GRHL1: variants seen among roughly 807,000 people sequenced by gnomAD.
GRHL1 encodes grainyhead-like protein 1 homolog.
In GRHL1, 38 loss-of-function variants were observed where a neutral mutation model predicts 75.7. That is an observed-to-expected ratio of 0.50 (90% CI 0.39 to 0.66). The LOEUF (loss-of-function observed/expected upper bound fraction) is 0.66, where lower values mean the gene tolerates loss of function less well. Ranked by LOEUF, GRHL1 falls within the 30% of genes least tolerant of loss-of-function variation. GRHL1 has a pLI of 0.00. For missense variants in GRHL1, 589 were observed against 767.5 expected (o/e 0.77, Z 2.75); for synonymous variants, 266 against 279.4 (o/e 0.95, Z 0.48).
chr2:9,999,027 G>A lies in GRHL1; in HGVS notation c.1740G>A (p.Lys580=). The change falls in exon 15 of 16, where the codon AAG becomes AAA. Residue 580 remains lysine (K), a splice_region_variant and synonymous_variant. Transcript: ENST00000324907. ...KIGKIFKKCK[K]GILVNMDDNI... is the part of the protein sequence containing the mutation. ...GGAAAATATTCAAGAAGTGTAAAAA[G>A]GGGTAAGCAGCCACTGCGTCCTGTG... The A allele has an allele frequency of 2.6e-6, 4 of 1,550,776 alleles. No homozygotes were observed. The highest frequency in any genetic ancestry group is 3.5e-6 in the Non-Finnish European group (4 of 1,136,954).
In GRHL1 at chr2:9,951,785, C is replaced by T; in HGVS notation, c.-49C>T. 1 of 1,509,368 alleles carries T rather than the reference C, an allele frequency of 6.6e-7. No individual in the cohort carries two copies. The highest frequency in any genetic ancestry group is 8.9e-7 in the Non-Finnish European group (1 of 1,124,934). 93.5% of individuals were successfully genotyped at this position (1,509,368 alleles called of 1,614,324 possible). On this transcript the variant is annotated 5_prime_UTR_variant, in exon 1 of 16. Transcript: ENST00000324907. This position sits in a 1 kb window ranked among gnomAD's most constrained non-coding sequence, Gnocchi z 4.2. ...CCTCCCCCCGGATCGGGTGTACTGT[C>T]CCAACCCGAAAGTCCAGTTCTGCGG...
intron 8 of GRHL1, among the ~76,000 whole-genome samples, chr2:9,985,444 G>T (rs1410559410): frequency 2.0e-5 from 3 of 152,158 alleles, no homozygotes; most frequent in Non-Finnish European, 4.4e-5. Flanking sequence ...TTAAATAAAA[G>T]ACCCTTGCAC....
At chr2:9,959,447 C>T (rs974384616) in intron 3 of GRHL1, 1 of 152,188 alleles carries the variant, frequency 6.6e-6, no homozygotes, top group Non-Finnish European at 1.5e-5. Flanking sequence ...GTGATGATTG[C>T]TTTATTCATT....
At chr2:9,989,982 G>A (rs1668573740) in intron 9 of GRHL1, among the ~76,000 whole-genome samples, 1 of 152,074 alleles carries the variant, frequency 6.6e-6, no homozygotes, top group Non-Finnish European at 1.5e-5. Context: ...GATAACCTTG[G>A]CCATATAGGA....
rs761959247 is a variant in GRHL1 at position 9,986,031 on chromosome 2, CTT to C, written c.1111-92_1111-91del. ...AGCTGAGCTTCTCATTTAAAATAGA[CTT>C]GAGTAATTTCAGTGATGTTAATATT... is the stretch of plus-strand genomic sequence containing the variant. On this transcript the variant is annotated intron_variant, in intron 8 of 15. Coordinates refer to ENST00000324907, the MANE Select transcript of GRHL1 (RefSeq NM_198182.3). 9.9e-5 allele frequency: 81 copies of C among 818,884 alleles called. 1 individual carries two copies. The highest frequency in any genetic ancestry group is 9.8e-4 in the Middle Eastern group (4 of 4,098). The allele number at this position is 818,884 out of a possible 1,614,324, so 50.7% of individuals were successfully genotyped here.
At chr2:9,979,241 T>C (rs1418861682) in intron 8 of GRHL1, among the ~76,000 whole-genome samples, 5 of 151,206 alleles carry the variant, frequency 3.3e-5, no homozygotes, top group Admixed American at 2.0e-4. Flanking sequence ...ATCTTTTTTT[T>C]TTTTTTACTC....
intron 15 of GRHL1, among the ~76,000 whole-genome samples, chr2:9,999,511 G>T (rs774368998): frequency 1.1e-4 from 16 of 152,196 alleles, no homozygotes; most frequent in Admixed American, 2.6e-4. Flanking sequence ...TCTTCTTTCT[G>T]AGCTGGTCTC....
At chr2:9,964,174 C>G in intron 6 of GRHL1, 61 bp from the exon 7 acceptor site, 1 of 1,327,544 alleles carries the variant, frequency 7.5e-7, no homozygotes, top group South Asian at 1.3e-5. Flanking sequence ...GTACTAAATA[C>G]GTTTTCCAAA....
intron 1 of GRHL1, among the ~76,000 whole-genome samples, chr2:9,952,643 G>A (rs1666840157): frequency 6.6e-6 from 1 of 152,192 alleles, no homozygotes; most frequent in Non-Finnish European, 1.5e-5. Context: ...GATTAACTGG[G>A]CGAGGGAGTT....
chr2:9,998,777 TATACGTATATATATGTACACAC>T, intron 14 of GRHL1, among the ~76,000 whole-genome samples, 166 bp from the exon 15 acceptor site: 1 of 42,140 alleles, frequency 2.4e-5, no homozygotes, highest in South Asian at 5.2e-4. Flanking sequence ...TACACACATA[TATACGTATATATATGTACACAC>T]ATATATATAC....
rs1667571124 is a variant in GRHL1 at position 9,968,273 on chromosome 2, G to A, written c.1110+2892G>A. Among the ~76,000 whole-genome samples, 1 of 152,184 alleles carries A rather than the reference G, an allele frequency of 6.6e-6. No individual in the cohort carries two copies. Among genetic ancestry groups the A allele is most frequent in the Non-Finnish European group, 1.5e-5 (1 of 68,034 alleles). ...ATAAACATATGTCTGCCATTGTCAT[G>A]GAAACTTTCGGAAGTTTTGGAACTT... On this transcript the variant is annotated intron_variant, in intron 8 of 15. Coordinates refer to ENST00000324907, the MANE Select transcript of GRHL1 (RefSeq NM_198182.3). The surrounding 1 kb of genome is among the most constrained non-coding windows in gnomAD (Gnocchi z 4.7).
In GRHL1 at chr2:9,964,956, T is replaced by C. The variant is rs920804463; in HGVS notation, c.1016-331T>C. ...TTCTTTACCTTTTGTAATGCTCTTG[T>C]TTCCTTTTCAGGAGAATGAGAACTC... On this transcript the variant is annotated intron_variant, in intron 7 of 15. Coordinates refer to ENST00000324907, the MANE Select transcript of GRHL1 (RefSeq NM_198182.3). The C allele has an allele frequency of 1.2e-5, 3 of 241,330 alleles. No homozygotes were observed. In the Admixed American group the frequency reaches 1.5e-4, roughly 12 times the overall value. The allele number at this position is 241,330 out of a possible 1,614,324, so 14.9% of individuals were successfully genotyped here.
At chr2:9,994,517 G>A (rs909582924) in intron 12 of GRHL1, among the ~76,000 whole-genome samples, 6 of 151,978 alleles carry the variant, frequency 3.9e-5, no homozygotes, top group South Asian at 2.1e-4. Context: ...GGCTTAAACC[G>A]TCATACTGGG....
chr2:9,989,896 C>T (rs1217722920), intron 9 of GRHL1, among the ~76,000 whole-genome samples: 1 of 152,114 alleles, frequency 6.6e-6, no homozygotes, highest in African/African-American at 2.4e-5. Context: ...GTTCCATCTT[C>T]ACTTTGTGAA....
chr2:9,972,133 G>C (rs561257446), intron 8 of GRHL1, among the ~76,000 whole-genome samples: 20 of 152,028 alleles, frequency 1.3e-4, no homozygotes, highest in Non-Finnish European at 1.9e-4. Context: ...TTGTGAAACA[G>C]GTTTCAAGCA....
intron 3 of GRHL1, 129 bp from the exon 4 acceptor site, chr2:9,960,917 T>G: frequency 1.5e-6 from 1 of 662,126 alleles, no homozygotes; most frequent in Non-Finnish European, 2.5e-6. Flanking sequence ...ATGGGTAGTT[T>G]TGATGTTTTC....
chr2:9,960,960 C>A, intron 3 of GRHL1, 86 bp from the exon 4 acceptor site: 1 of 989,196 alleles, frequency 1.0e-6, no homozygotes, highest in Non-Finnish European at 1.5e-6. Context: ...TGCACAGGAC[C>A]CAACAGCCCA....
intron 8 of GRHL1, among the ~76,000 whole-genome samples, chr2:9,975,920 A>T (rs1275914899): frequency 6.6e-6 from 1 of 152,048 alleles, no homozygotes; most frequent in Non-Finnish European, 1.5e-5. Flanking sequence ...AATAAACACA[A>T]ATAACTTGTG....
In GRHL1 at chr2:10,002,142, A is replaced by G. The variant is rs1434582962; in HGVS notation, c.*1435A>G. ...GGAACTAAATTGCTGGTTTTCTAAGATAAGATATGGGATATGGGTCATATA... is the reference window on the plus strand; with the variant it reads ...GGAACTAAATTGCTGGTTTTCTAAGGTAAGATATGGGATATGGGTCATATA... On this transcript the variant is annotated 3_prime_UTR_variant, in exon 16 of 16. Coordinates refer to ENST00000324907, the MANE Select transcript of GRHL1 (RefSeq NM_198182.3). 6.6e-6 allele frequency: 1 copy of G among 152,658 alleles called. No individual in the cohort carries two copies. Among genetic ancestry groups the G allele is most frequent in the African/African-American group, 2.4e-5 (1 of 41,458 alleles). 9.5% of individuals were successfully genotyped at this position (152,658 alleles called of 1,614,324 possible).
Sources: gnomAD v4.1 joint callset for allele counts (sites outside exome capture counted in the v4.1 genomes callset) on GRCh38, gnomAD v4.1.1 for gene constraint, Gnocchi (gnomAD v3.1) non-coding constraint, MANE v1.5 for transcripts, NCBI Gene and HGNC (gene_info 2026-07-23, HGNC 2026-07-21) for gene names.